PCSK6: variants seen among roughly 807,000 people sequenced by gnomAD.
PCSK6 encodes the protein proprotein convertase subtilisin/kexin type 6, also known as paired basic amino acid cleaving enzyme 4.
PCSK6 carries 85 observed loss-of-function variants against 123.3 expected under a neutral mutation model. The observed-to-expected ratio is 0.69, with a 90% CI of 0.58 to 0.83. The LOEUF (loss-of-function observed/expected upper bound fraction) is 0.83, where lower values mean the gene tolerates loss of function less well. Ranked by LOEUF, PCSK6 falls within the 40% of genes least tolerant of loss-of-function variation. The pLI, the probability that PCSK6 is intolerant of heterozygous loss-of-function variation, is 0.00. For synonymous variants in PCSK6, 508 were observed against 516.0 expected (o/e 0.98, Z 0.21); for missense variants, 1,191 against 1,282.3 (o/e 0.93, Z 1.09).
chr15:101,405,467 T>C (rs2042744849), intron 6 of PCSK6, among the ~76,000 whole-genome samples: 1 of 152,100 alleles, frequency 6.6e-6, no homozygotes, highest in Non-Finnish European at 1.5e-5. Flanking sequence ...CCTGGTGCCT[T>C]TGTGTTTGAG....
Position 101,424,516 on chromosome 15 carries a change from T to A in PCSK6, c.823+3376A>T, listed in dbSNP as rs539745156. Among the ~76,000 whole-genome samples the A allele has an allele frequency of 1.5e-3, 223 of 152,300 alleles. 1 individual carries two copies. Among genetic ancestry groups the A allele is most frequent in the African/African-American group, 5.3e-3 (219 of 41,578 alleles). The stretch of plus-strand genomic sequence containing the variant: ...AACAAATACCAAAAGAGGTGAGAGA[T>A]AACCTCAATAAATACCAAAGAGCCT... On this transcript the variant is annotated intron_variant, in intron 6 of 21. Coordinates refer to ENST00000611716, the MANE Select transcript of PCSK6 (RefSeq NM_002570.5).
chr15:101,403,296 A>G (rs548189475), intron 6 of PCSK6, among the ~76,000 whole-genome samples: 5 of 147,552 alleles, frequency 3.4e-5, no homozygotes, highest in African/African-American at 5.0e-5. Context: ...GGGGAGGGAT[A>G]GCATTAGGAG....
chr15:101,431,259 AT>A, intron 4 of PCSK6, 60 bp downstream of exon 4: 1 of 1,576,744 alleles, frequency 6.3e-7, no homozygotes, highest in South Asian at 1.1e-5. Flanking sequence ...TTAAACTTGC[AT>A]TTACTTAATG....
intron 6 of PCSK6, among the ~76,000 whole-genome samples, chr15:101,412,332 T>G (rs1041482487): frequency 6.6e-6 from 1 of 152,144 alleles, no homozygotes; most frequent in African/African-American, 2.4e-5. Flanking sequence ...CAATCACCGA[T>G]GCCAACATGG....
At chr15:101,344,088 A>T (rs956110792) in intron 13 of PCSK6, among the ~76,000 whole-genome samples, 1 of 151,222 alleles carries the variant, frequency 6.6e-6, no homozygotes. Flanking sequence ...AAAAAAAAAT[A>T]AATAAATAAA....
chr15:101,446,636 A>G (rs2056897350), intron 1 of PCSK6, among the ~76,000 whole-genome samples: 1 of 152,232 alleles, frequency 6.6e-6, no homozygotes, highest in South Asian at 2.1e-4. Flanking sequence ...ACGAGGATCA[A>G]AGAGTTCATA....
At chr15:101,467,335 C>T (rs1459614301) in intron 1 of PCSK6, among the ~76,000 whole-genome samples, 9 of 151,466 alleles carry the variant, frequency 5.9e-5, no homozygotes, top group African/African-American at 4.9e-5. Flanking sequence ...TGCAATGGCA[C>T]GATCACGGCT....
chr15:101,316,829 G>A lies in PCSK6; in HGVS notation c.2569+1490C>T, dbSNP rs145147942. On this transcript the variant is annotated intron_variant, in intron 19 of 21. Transcript: ENST00000611716. ...GCATGGGGTGCTCATGGCCGGCCAC[G>A]TGGGGAGGGGTGTGCCCATTCTGCA... is the stretch of plus-strand genomic sequence containing the variant. Among the ~76,000 whole-genome samples, 208 of 152,250 alleles carry A rather than the reference G, an allele frequency of 1.4e-3. 1 individual carries two copies. Among genetic ancestry groups the A allele is most frequent in the African/African-American group, 4.7e-3 (196 of 41,526 alleles).
At position 101,420,130 on chromosome 15, in the gene PCSK6, G is replaced by T. The variant is rs571030228; in HGVS notation, c.823+7762C>A. ...TGCTTGAACCCAGGAGGTGGAGGTTGCAGTGAGCTGAGATCATGCTACTGC... is the reference window on the plus strand; with the variant it reads ...TGCTTGAACCCAGGAGGTGGAGGTTTCAGTGAGCTGAGATCATGCTACTGC... On this transcript the variant is annotated intron_variant, in intron 6 of 21. Transcript: ENST00000611716. Among the ~76,000 whole-genome samples, 482 of 148,394 alleles carry T rather than the reference G, an allele frequency of 3.2e-3. 4 individuals are homozygous for T. The highest frequency in any genetic ancestry group is 0.011 in the African/African-American group (459 of 40,380).
At chr15:101,325,483 G>A (rs2040231570) in intron 16 of PCSK6, among the ~76,000 whole-genome samples, 1 of 152,202 alleles carries the variant, frequency 6.6e-6, no homozygotes, top group Admixed American at 6.5e-5. Context: ...AGAGCCACAT[G>A]GGCACCCGGC....
intron 10 of PCSK6, among the ~76,000 whole-genome samples, chr15:101,382,661 C>G (rs534721932): frequency 8.5e-5 from 13 of 152,116 alleles, no homozygotes; most frequent in Admixed American, 2.0e-4. Flanking sequence ...TCTTTTTTGC[C>G]ATTTTCTTTC....
At chr15:101,397,335 G>A (rs181536334) in intron 7 of PCSK6, among the ~76,000 whole-genome samples, 2 of 152,176 alleles carry the variant, frequency 1.3e-5, no homozygotes, top group Non-Finnish European at 1.5e-5. Context: ...CAGAGACAGA[G>A]AGAGGCTGTT....
At chr15:101,309,029 A>G (rs1289846575) in intron 20 of PCSK6, 2 of 152,380 alleles carry the variant, frequency 1.3e-5, no homozygotes, top group Non-Finnish European at 2.9e-5. Context: ...TGCTTCTTCA[A>G]ATACAACCTC....
intron 1 of PCSK6, among the ~76,000 whole-genome samples, chr15:101,448,027 T>C (rs1166854921): frequency 6.6e-6 from 1 of 152,254 alleles, no homozygotes; most frequent in East Asian, 1.9e-4. Flanking sequence ...TCTTCATCAA[T>C]GAATCTGACT....
chr15:101,347,881 G>T, intron 13 of PCSK6: 1 of 811,998 alleles, frequency 1.2e-6, no homozygotes, highest in South Asian at 1.4e-5. Context: ...AGCGCCCGGG[G>T]TTGACAAATG....
intron 20 of PCSK6, chr15:101,309,165 G>A (rs1216825597): frequency 6.5e-6 from 1 of 152,828 alleles, no homozygotes; most frequent in Non-Finnish European, 1.5e-5. Flanking sequence ...GTCCAGGCAG[G>A]TGCAGCTGGG....
rs143473120 is a variant in PCSK6, at chr15:101,357,217, C to T, written c.1858+8979G>A. ...GGACTGCCTGCTTTTCTGGTCTACGCGTGTGTGTGTGCTGCACTGTGCCTG... is the reference window on the plus strand; with the variant it reads ...GGACTGCCTGCTTTTCTGGTCTACGTGTGTGTGTGTGCTGCACTGTGCCTG... On this transcript the variant is annotated intron_variant, in intron 13 of 21. Coordinates refer to ENST00000611716, the MANE Select transcript of PCSK6 (RefSeq NM_002570.5). 1.3e-3 allele frequency among the ~76,000 whole-genome samples: 203 copies of T among 152,274 alleles called. 1 individual carries two copies. The highest frequency in any genetic ancestry group is 4.5e-3 in the African/African-American group (186 of 41,558).
At chr15:101,320,706 C>T (rs2040100496) in intron 18 of PCSK6, among the ~76,000 whole-genome samples, 3 of 152,106 alleles carry the variant, frequency 2.0e-5, no homozygotes, top group Admixed American at 1.3e-4. Context: ...TGTTGATCCC[C>T]CTGAAGAGAT....
intron 1 of PCSK6, among the ~76,000 whole-genome samples, chr15:101,480,392 C>G (rs1172700132): frequency 6.6e-6 from 1 of 152,264 alleles, no homozygotes; most frequent in Non-Finnish European, 1.5e-5. Context: ...TATGCCCAAG[C>G]AGCCAAGGCA....
Sources: gnomAD v4.1 joint callset for allele counts (sites outside exome capture counted in the v4.1 genomes callset) on GRCh38, gnomAD v4.1.1 for gene constraint, MANE v1.5 for transcripts, NCBI Gene and HGNC (gene_info 2026-07-23, HGNC 2026-07-21) for gene names.